Variants in FBXL7 observed in about 807,000 individuals in gnomAD.
The protein encoded by FBXL7 is F-box and leucine rich repeat protein 7.
FBXL7 carries 12 observed loss-of-function variants against 38.3 expected under a neutral mutation model. The observed-to-expected ratio is 0.31, with a 90% CI of 0.20 to 0.51. FBXL7 has a LOEUF of 0.51. FBXL7 is among the 20% of genes least tolerant of loss of function. The pLI is 0.98. For missense variants in FBXL7, 567 were observed against 676.4 expected (o/e 0.84, Z 1.79); for synonymous variants, 297 against 300.9 (o/e 0.99, Z 0.13).
intron 1 of FBXL7, among the ~76,000 whole-genome samples, chr5:15,536,437 G>A (rs1355935645): frequency 3.9e-5 from 6 of 152,214 alleles, no homozygotes; most frequent in African/African-American, 1.2e-4. Context: ...GAGCGACAGA[G>A]GTGGAGATGC....
At chr5:15,881,453 T>G (rs1466646756) in intron 2 of FBXL7, among the ~76,000 whole-genome samples, 1 of 152,254 alleles carries the variant, frequency 6.6e-6, no homozygotes, top group Non-Finnish European at 1.5e-5. Flanking sequence ...TGGTTCCATA[T>G]TTTTGCAATT....
At chr5:15,848,875 A>G (rs1739008399) in intron 2 of FBXL7, among the ~76,000 whole-genome samples, 1 of 152,200 alleles carries the variant, frequency 6.6e-6, no homozygotes, top group Non-Finnish European at 1.5e-5. Flanking sequence ...ATTTTTCAGG[A>G]GCACTGAATT....
At position 15,728,887 on chromosome 5, in the gene FBXL7, A is replaced by G. The variant is rs536277104; in HGVS notation, c.127+112815A>G. Among the ~76,000 whole-genome samples the G allele has an allele frequency of 1.3e-4, 20 of 152,268 alleles. 1 individual carries two copies. Among genetic ancestry groups the G allele is most frequent in the Non-Finnish European group, 5.9e-5 (4 of 67,984 alleles). ...TGACTTTTCTTGCAGGACTTTTCCA[A>G]TATAGCATGGATCAGGCATTTCATG... On this transcript the variant is annotated intron_variant, in intron 2 of 3. Transcript: ENST00000504595.
At chr5:15,552,146 G>T (rs373772110) in intron 1 of FBXL7, among the ~76,000 whole-genome samples, 25 of 152,310 alleles carry the variant, frequency 1.6e-4, no homozygotes, top group African/African-American at 5.8e-4. Flanking sequence ...ACTACACTAT[G>T]CTATACATTG....
intron 1 of FBXL7, among the ~76,000 whole-genome samples, chr5:15,549,523 T>C (rs1738004166): frequency 1.3e-5 from 2 of 152,230 alleles, no homozygotes; most frequent in South Asian, 4.2e-4. Flanking sequence ...AAAATCCTAT[T>C]GATGAGAGGA....
intron 2 of FBXL7, among the ~76,000 whole-genome samples, chr5:15,851,389 C>T (rs769168107): frequency 1.3e-5 from 2 of 152,208 alleles, no homozygotes; most frequent in Non-Finnish European, 2.9e-5. Context: ...GTCGCAACGG[C>T]ACCTAACCAT....
intron 2 of FBXL7, among the ~76,000 whole-genome samples, chr5:15,664,783 A>C (rs1742213776): frequency 6.6e-6 from 1 of 151,338 alleles, no homozygotes; most frequent in African/African-American, 2.4e-5. Context: ...AATTTTCTTC[A>C]AGCGTCCTAA....
At chr5:15,881,627 AGT>A (rs1287866740) in intron 2 of FBXL7, among the ~76,000 whole-genome samples, 2 of 152,144 alleles carry the variant, frequency 1.3e-5, no homozygotes, top group East Asian at 3.9e-4. Context: ...TGGTTATATT[AGT>A]TTACATTCCC....
At chr5:15,935,678 C>A (rs182181352) in intron 3 of FBXL7, among the ~76,000 whole-genome samples, 22 of 152,322 alleles carry the variant, frequency 1.4e-4, no homozygotes, top group Admixed American at 1.4e-3. Context: ...CACAGTTGTT[C>A]TTCCTCAACT....
chr5:15,858,384 T>A (rs1216386970), intron 2 of FBXL7, among the ~76,000 whole-genome samples: 1 of 152,098 alleles, frequency 6.6e-6, no homozygotes, highest in Non-Finnish European at 1.5e-5. Flanking sequence ...AATATTTTAT[T>A]CAGGAAAGAG....
chr5:15,891,322 T>C (rs1740893281), intron 2 of FBXL7, among the ~76,000 whole-genome samples: 1 of 152,212 alleles, frequency 6.6e-6, no homozygotes, highest in African/African-American at 2.4e-5. Flanking sequence ...CATCCTCTCC[T>C]TAAATTCTGC....
At chr5:15,911,778 C>G (rs1294458564) in intron 2 of FBXL7, among the ~76,000 whole-genome samples, 17 of 40,264 alleles carry the variant, frequency 4.2e-4, no homozygotes, top group Non-Finnish European at 7.6e-4. Context: ...GTTGGAATAC[C>G]CTGCCGTGTG....
chr5:15,610,224 C>A, intron 1 of FBXL7, among the ~76,000 whole-genome samples: 1 of 152,164 alleles, frequency 6.6e-6, no homozygotes, highest in East Asian at 1.9e-4. Flanking sequence ...CCAGCCAAAC[C>A]ATACCTTCTC....
chr5:15,650,870 G>A (rs1741685575), intron 2 of FBXL7, among the ~76,000 whole-genome samples: 1 of 152,056 alleles, frequency 6.6e-6, no homozygotes, highest in African/African-American at 2.4e-5. Flanking sequence ...CACATCTGCA[G>A]CAACTTTCTC....
At chr5:15,892,763 G>A (rs1740953343) in intron 2 of FBXL7, among the ~76,000 whole-genome samples, 1 of 152,126 alleles carries the variant, frequency 6.6e-6, no homozygotes, top group Non-Finnish European at 1.5e-5. Flanking sequence ...TTTGTTTTCT[G>A]TTTCATTTTT....
In FBXL7 at chr5:15,808,552, G is replaced by C. The variant is rs575557894; in HGVS notation, c.128-119338G>C. 5.3e-5 allele frequency among the ~76,000 whole-genome samples: 8 copies of C among 152,264 alleles called. No homozygotes were observed. The East Asian group carries it at 1.5e-3, about 29-fold the overall frequency. ...ATAACAAGTTTTTGAGTACCTAGTA[G>C]AGTAAAAGACAGTGACTTCTGTCCC... On this transcript the variant is annotated intron_variant, in intron 2 of 3. Transcript: ENST00000504595.
At chr5:15,795,054 T>C (rs1272967332) in intron 2 of FBXL7, among the ~76,000 whole-genome samples, 1 of 152,232 alleles carries the variant, frequency 6.6e-6, no homozygotes, top group Non-Finnish European at 1.5e-5. Context: ...GACAACAAGC[T>C]CAGCCAGAGG....
At chr5:15,899,890 A>T (rs982130765) in intron 2 of FBXL7, among the ~76,000 whole-genome samples, 12 of 152,278 alleles carry the variant, frequency 7.9e-5, no homozygotes, top group African/African-American at 2.9e-4. Context: ...AAAGATACAC[A>T]CCTAAGAAAA....
intron 1 of FBXL7, among the ~76,000 whole-genome samples, chr5:15,541,461 A>G (rs1187185546): frequency 4.9e-5 from 6 of 122,540 alleles, no homozygotes; most frequent in Admixed American, 1.6e-4. Flanking sequence ...ATATATATAT[A>G]TATATATATA....
Sources: allele counts gnomAD v4.1 joint callset (sites outside exome capture counted in the v4.1 genomes callset), GRCh38; gene constraint gnomAD v4.1.1; transcripts MANE v1.5; gene names NCBI Gene and HGNC (gene_info 2026-07-23, HGNC 2026-07-21).